BAG2: variants seen among roughly 807,000 people sequenced by gnomAD.
BAG2 encodes BAG cochaperone 2, also known as BAG family molecular chaperone regulator 2.
A neutral mutation model predicts 16.4 loss-of-function variants in BAG2; 8 were observed. The ratio of observed to expected loss-of-function variants is 0.49; its 90% CI spans 0.29 to 0.88. The LOEUF is 0.88. Ranked by LOEUF, BAG2 falls within the 40% of genes least tolerant of loss-of-function variation. BAG2 has a pLI of 0.09. For missense variants in BAG2, 218 were observed against 248.9 expected, an observed-to-expected ratio of 0.88 and a Z score of 0.84; for synonymous variants, 82 against 89.2, an observed-to-expected ratio of 0.92 and a Z score of 0.46.
intron 1 of BAG2, among the ~76,000 whole-genome samples, chr6:57,174,988 C>T (rs1473573191): frequency 1.3e-5 from 2 of 152,188 alleles, no homozygotes; most frequent in African/African-American, 4.8e-5. Flanking sequence ...AACTGATCTA[C>T]ATGATGTTTA....
Position 57,172,589 on chromosome 6 carries a change from A to G in BAG2, c.-109A>G, listed in dbSNP as rs1764151745. On this transcript the variant is annotated 5_prime_UTR_variant, in exon 1 of 3. Transcript: ENST00000370693. ...GGTTGCCCCCGCGGGCGTCAGAGGG[A>G]GGGCGGGCGCCCGCGTGGTGACGGC... The G allele has an allele frequency of 1.1e-6, 1 of 882,922 alleles. No individual in the cohort carries two copies. Among genetic ancestry groups the G allele is most frequent in the East Asian group, 3.5e-5 (1 of 28,912 alleles). 54.7% of individuals were successfully genotyped at this position (882,922 alleles called of 1,614,324 possible). A position where few individuals can be genotyped will look rare whatever the true frequency, so the allele number is the denominator to read the frequency against.
chr6:57,184,352 T>A lies in BAG2; in HGVS notation c.*162T>A. 1.8e-6 allele frequency: 1 copy of A among 571,126 alleles called. No individual in the cohort carries two copies. The highest frequency in any genetic ancestry group is 2.7e-6 in the Non-Finnish European group (1 of 370,026). 35.4% of individuals were successfully genotyped at this position (571,126 alleles called of 1,614,324 possible). On this transcript the variant is annotated 3_prime_UTR_variant, in exon 3 of 3. Transcript: ENST00000370693. Reference sequence around the variant, plus strand: ...CATCAAGTATCTTCAGTTTTGTGAATAACAAAACTAGCAATATTTTAATTA... The same window carrying A: ...CATCAAGTATCTTCAGTTTTGTGAAAAACAAAACTAGCAATATTTTAATTA...
At chr6:57,174,139 C>T in intron 1 of BAG2, 1 of 1,000,726 alleles carries the variant, frequency 1.0e-6, no homozygotes. Flanking sequence ...AAAAGTAGAG[C>T]GAAAGTAGAA....
chr6:57,185,039 A>C lies in BAG2; in HGVS notation c.*849A>C, dbSNP rs1192532001. ...ATTACTGCAACATATTTTTGTACACAGGACTTTTTCCTTCTTTCATTTTTG... is the reference window on the plus strand; with the variant it reads ...ATTACTGCAACATATTTTTGTACACCGGACTTTTTCCTTCTTTCATTTTTG... On this transcript the variant is annotated 3_prime_UTR_variant, in exon 3 of 3. Coordinates refer to ENST00000370693, the MANE Select transcript of BAG2 (RefSeq NM_004282.4). The C allele has an allele frequency of 6.6e-6, 1 of 152,198 alleles. No individual in the cohort carries two copies. The highest frequency in any genetic ancestry group is 1.5e-5 in the Non-Finnish European group (1 of 68,028). 9.4% of individuals were successfully genotyped at this position (152,198 alleles called of 1,614,324 possible). A position where few individuals can be genotyped will look rare whatever the true frequency, so the allele number is the denominator to read the frequency against.
intron 1 of BAG2, among the ~76,000 whole-genome samples, chr6:57,176,992 G>C (rs1764302488): frequency 6.6e-6 from 1 of 152,112 alleles, no homozygotes; most frequent in African/African-American, 2.4e-5. Context: ...AAAATGTCTT[G>C]ACAGTAAATG....
chr6:57,185,739 A>G lies in BAG2; in HGVS notation c.*1549A>G, dbSNP rs917266477. On this transcript the variant is annotated 3_prime_UTR_variant, in exon 3 of 3. Transcript: ENST00000370693. The stretch of plus-strand genomic sequence containing the variant: ...TTTTGTGTGCATCATTTTTTTCTTG[A>G]CCAGCTTTTTGAAAATTAAGAAATG... 6 of 152,012 alleles carry G rather than the reference A, an allele frequency of 3.9e-5. No individual in the cohort carries two copies. The highest frequency in any genetic ancestry group is 1.2e-4 in the African/African-American group (5 of 41,388). 9.4% of individuals were successfully genotyped at this position (152,012 alleles called of 1,614,324 possible).
intron 1 of BAG2, among the ~76,000 whole-genome samples, chr6:57,178,008 CA>C (rs1192069430): frequency 1.3e-5 from 2 of 152,138 alleles, no homozygotes; most frequent in Non-Finnish European, 1.5e-5. Flanking sequence ...TGATTTCATG[CA>C]GGGAGTTTTC....
At chr6:57,181,984 A>C in intron 1 of BAG2, 48 bp from the exon 2 acceptor site, 1 of 1,497,774 alleles carries the variant, frequency 6.7e-7, no homozygotes, top group African/African-American at 1.4e-5. Flanking sequence ...AATTAATAGG[A>C]AGAACATCCT....
In BAG2 at chr6:57,188,505, C is replaced by CAAG. The variant is rs1554307963; in HGVS notation, c.*4316_*4318dup. On this transcript the variant is annotated 3_prime_UTR_variant, in exon 3 of 3. Transcript: ENST00000370693. ...AAAGAACTAACTAGAACACATATAACAAGTGATTTTTCTGCCAATAAAGAC... is the reference window on the plus strand; with the variant it reads ...AAAGAACTAACTAGAACACATATAACAAGAAGTGATTTTTCTGCCAATAAAGAC... The CAAG allele has an allele frequency of 6.6e-6, 1 of 151,992 alleles. No individual in the cohort carries two copies. The highest frequency in any genetic ancestry group is 1.5e-5 in the Non-Finnish European group (1 of 68,000). The allele number at this position is 151,992 out of a possible 1,614,324, so 9.4% of individuals were successfully genotyped here.
intron 1 of BAG2, chr6:57,173,049 G>A: frequency 1.3e-6 from 1 of 762,996 alleles, no homozygotes; most frequent in Non-Finnish European, 1.8e-6. Flanking sequence ...CTGTGAGGGC[G>A]TTATCGGTGG....
intron 1 of BAG2, among the ~76,000 whole-genome samples, chr6:57,180,088 G>A (rs1764393176): frequency 6.6e-6 from 1 of 152,058 alleles, no homozygotes; most frequent in Non-Finnish European, 1.5e-5. Flanking sequence ...TGTAAATCAA[G>A]GTTGCCAGTG....
Position 57,187,165 on chromosome 6 carries a change from G to C in BAG2, c.*2975G>C, listed in dbSNP as rs1764633413. 6.6e-6 allele frequency: 1 copy of C among 152,052 alleles called. No homozygotes were observed. The highest frequency in any genetic ancestry group is 2.4e-5 in the African/African-American group (1 of 41,394). 9.4% of individuals were successfully genotyped at this position (152,052 alleles called of 1,614,324 possible). A position where few individuals can be genotyped will look rare whatever the true frequency, so the allele number is the denominator to read the frequency against. On this transcript the variant is annotated 3_prime_UTR_variant, in exon 3 of 3. Coordinates refer to ENST00000370693, the MANE Select transcript of BAG2 (RefSeq NM_004282.4). ...ATTATTTATTAGTAATAAAAATATA[G>C]AAGGAATTCAGTTTTCCTTTTATCC...
In BAG2 at chr6:57,187,743, G is replaced by GTTAT. The variant is rs1296107524; in HGVS notation, c.*3559_*3562dup. 1 of 152,138 alleles carries GTTAT rather than the reference G, an allele frequency of 6.6e-6. No homozygotes were observed. Among genetic ancestry groups the GTTAT allele is most frequent in the African/African-American group, 2.4e-5 (1 of 41,432 alleles). 9.4% of individuals were successfully genotyped at this position (152,138 alleles called of 1,614,324 possible). A position where few individuals can be genotyped will look rare whatever the true frequency, so the allele number is the denominator to read the frequency against. On this transcript the variant is annotated 3_prime_UTR_variant, in exon 3 of 3. Coordinates refer to ENST00000370693, the MANE Select transcript of BAG2 (RefSeq NM_004282.4). ...AAACTCACAGGTCCAAGGAGTACATGTTATTTATTGAGAGTTCCTTCTGAG... is the reference window on the plus strand; with the variant it reads ...AAACTCACAGGTCCAAGGAGTACATGTTATTTATTTATTGAGAGTTCCTTCTGAG...
rs984351144 is a variant in BAG2, at chr6:57,185,602, A to G, written c.*1412A>G. 7 of 149,210 alleles carry G rather than the reference A, an allele frequency of 4.7e-5. No homozygotes were observed. 9.2% of individuals were successfully genotyped at this position (149,210 alleles called of 1,614,324 possible). On this transcript the variant is annotated 3_prime_UTR_variant, in exon 3 of 3. Coordinates refer to ENST00000370693, the MANE Select transcript of BAG2 (RefSeq NM_004282.4). ...CATGTTACTTCCTTTGCCAGCTCCA[A>G]CTCTGCCTTATTTAAATCTTTGCAT... is the stretch of plus-strand genomic sequence containing the variant.
In BAG2 at chr6:57,183,992, G is replaced by GC; in HGVS notation, c.440dup (p.His148ThrfsTer5). The GC allele has an allele frequency of 1.2e-6, 2 of 1,612,602 alleles. No individual in the cohort carries two copies. The highest frequency in any genetic ancestry group is 1.7e-6 in the Non-Finnish European group (2 of 1,179,614). Reference sequence around the variant, plus strand: ...TCTACAGTGCATGTTCATCTGAGGTGCCACATGGGCCAGTTGATCAGAAGT... The same window carrying GC: ...TCTACAGTGCATGTTCATCTGAGGTGCCCACATGGGCCAGTTGATCAGAAGT... On this transcript the variant is annotated frameshift_variant, in exon 3 of 3. Coordinates refer to ENST00000370693, the MANE Select transcript of BAG2 (RefSeq NM_004282.4). LOFTEE classifies it high-confidence loss of function.
intron 1 of BAG2, among the ~76,000 whole-genome samples, chr6:57,181,704 A>G (rs190211745): frequency 2.6e-4 from 40 of 152,338 alleles, no homozygotes; most frequent in African/African-American, 8.7e-4. Context: ...AAAACAAAAA[A>G]CAAACAAAAA....
At chr6:57,183,254 G>A (rs1460946349) in intron 2 of BAG2, among the ~76,000 whole-genome samples, 1 of 150,932 alleles carries the variant, frequency 6.6e-6, no homozygotes, top group Non-Finnish European at 1.5e-5. Flanking sequence ...AGCTCCTCGT[G>A]CTGGCCAAGA....
chr6:57,183,601 C>CTT (rs749790846), intron 2 of BAG2, among the ~76,000 whole-genome samples, 177 bp from the exon 3 acceptor site: 2 of 152,198 alleles, frequency 1.3e-5, no homozygotes, highest in Non-Finnish European at 2.9e-5. Context: ...AAGTGGTATT[C>CTT]TACAACCTCT....
At chr6:57,183,150 T>G (rs1028586486) in intron 2 of BAG2, among the ~76,000 whole-genome samples, 3 of 152,184 alleles carry the variant, frequency 2.0e-5, no homozygotes, top group African/African-American at 4.8e-5. Context: ...CATGATCTAG[T>G]CTCTACGCTA....
Sources: allele counts gnomAD v4.1 joint callset (sites outside exome capture counted in the v4.1 genomes callset), GRCh38; gene constraint gnomAD v4.1.1; transcripts MANE v1.5; gene names NCBI Gene and HGNC (gene_info 2026-07-23, HGNC 2026-07-21).